The following MGMT variants were observed in gnomAD, a reference collection of about 807,000 sequenced individuals.
The protein encoded by MGMT is methylated-DNA--protein-cysteine methyltransferase.
Under a neutral mutation model 15.9 loss-of-function variants are expected in MGMT, and 14 were observed. The observed-to-expected ratio is 0.88, with a 90% CI of 0.58 to 1.37. The LOEUF is 1.37. Ranked by LOEUF, MGMT falls within the 40% of genes most tolerant of loss-of-function variation. The probability of loss-of-function intolerance (pLI) is 0.00; values close to 1 mark genes in which losing one functional copy is unlikely to be tolerated. For missense variants in MGMT, 282 were observed against 268.1 expected, an observed-to-expected ratio of 1.05 and a Z score of -0.36; for synonymous variants, 130 against 118.2, an observed-to-expected ratio of 1.10 and a Z score of -0.65.
intron 2 of MGMT, among the ~76,000 whole-genome samples, chr10:129,648,367 T>A (rs1589914297): frequency 6.6e-6 from 1 of 152,216 alleles, no homozygotes; most frequent in Non-Finnish European, 1.5e-5. Flanking sequence ...TGCAGGTAAT[T>A]TTTACAGCTT....
At chr10:129,527,918 C>T (rs751183052) in intron 1 of MGMT, among the ~76,000 whole-genome samples, 1 of 151,998 alleles carries the variant, frequency 6.6e-6, no homozygotes, top group Non-Finnish European at 1.5e-5. Context: ...CCTGTGCGCA[C>T]CTGCCTGCCT....
At chr10:129,600,957 AATTAAT>A (rs1345093890) in intron 2 of MGMT, among the ~76,000 whole-genome samples, 1 of 152,148 alleles carries the variant, frequency 6.6e-6, no homozygotes, top group Non-Finnish European at 1.5e-5. Flanking sequence ...ATTAATGACA[AATTAAT>A]ATTAATATCA....
chr10:129,618,771 T>TGCTATATTCAATTGAAACTGGGA (rs144655833), intron 2 of MGMT, among the ~76,000 whole-genome samples: 7 of 150,398 alleles, frequency 4.7e-5, no homozygotes, highest in South Asian at 2.1e-4. Flanking sequence ...GCTATATTTT[T>TGCTATATTCAATTGAAACTGGGA]AGTTTCAATT....
At chr10:129,506,058 T>TG (rs1180602760) in intron 1 of MGMT, among the ~76,000 whole-genome samples, 2 of 150,020 alleles carry the variant, frequency 1.3e-5, no homozygotes, top group Non-Finnish European at 3.0e-5. Context: ...GGTTTTCAAC[T>TG]GGGGGCAGTT....
intron 1 of MGMT, among the ~76,000 whole-genome samples, chr10:129,475,009 G>C (rs915152941): frequency 6.6e-6 from 1 of 152,124 alleles, no homozygotes; most frequent in Non-Finnish European, 1.5e-5. Flanking sequence ...TGTTGGGGGG[G>C]GTGTTGGGGA....
intron 2 of MGMT, among the ~76,000 whole-genome samples, chr10:129,698,255 G>A (rs1177334641): frequency 1.3e-5 from 2 of 152,212 alleles, no homozygotes; most frequent in African/African-American, 4.8e-5. Flanking sequence ...GTGCGTCATA[G>A]CGTTTGCATG....
chr10:129,735,020 C>T (rs1213061827), intron 3 of MGMT, among the ~76,000 whole-genome samples: 1 of 152,058 alleles, frequency 6.6e-6, no homozygotes, highest in Non-Finnish European at 1.5e-5. Context: ...GTCTAAAATT[C>T]TCTTTTTTGG....
At chr10:129,737,713 G>A (rs1445530336) in intron 3 of MGMT, among the ~76,000 whole-genome samples, 3 of 152,208 alleles carry the variant, frequency 2.0e-5, no homozygotes, top group Admixed American at 1.3e-4. Context: ...TGATGATGGT[G>A]ATGTACAGAT....
intron 2 of MGMT, among the ~76,000 whole-genome samples, chr10:129,600,244 A>T: frequency 6.6e-6 from 1 of 152,030 alleles, no homozygotes; most frequent in East Asian, 1.9e-4. Flanking sequence ...TTTTCCTGGG[A>T]TGGTCCCTTG....
chr10:129,607,710 C>T (rs1339519959), intron 2 of MGMT, among the ~76,000 whole-genome samples: 3 of 152,200 alleles, frequency 2.0e-5, no homozygotes, highest in African/African-American at 7.2e-5. Flanking sequence ...GCCAGTTTCC[C>T]TTGGACAGCT....
chr10:129,737,623 A>T (rs1848579318), intron 3 of MGMT, among the ~76,000 whole-genome samples: 1 of 152,038 alleles, frequency 6.6e-6, no homozygotes, highest in African/African-American at 2.4e-5. Flanking sequence ...GGAGGAGGAG[A>T]GGCGCTCTGC....
At chr10:129,674,748 C>G (rs11812599) in intron 2 of MGMT, among the ~76,000 whole-genome samples, 14,430 of 152,288 alleles carry the variant, frequency 0.095, 1,014 homozygotes, top group African/African-American at 0.19. Flanking sequence ...CCCCTGGGCT[C>G]TATCCTGCAT....
intron 3 of MGMT, among the ~76,000 whole-genome samples, chr10:129,710,814 G>A (rs1309421440): frequency 5.3e-5 from 8 of 152,216 alleles, no homozygotes; most frequent in African/African-American, 1.9e-4. Flanking sequence ...TTTGCAGACT[G>A]AGAGGAGCGG....
intron 1 of MGMT, among the ~76,000 whole-genome samples, chr10:129,528,270 G>A (rs1348389696): frequency 6.6e-6 from 1 of 152,086 alleles, no homozygotes; most frequent in Admixed American, 6.5e-5. Flanking sequence ...CCAGCCCAAC[G>A]TTCCTGTTCT....
intron 2 of MGMT, among the ~76,000 whole-genome samples, chr10:129,656,312 G>A (rs897742719): frequency 1.3e-5 from 2 of 152,208 alleles, no homozygotes; most frequent in Non-Finnish European, 2.9e-5. Flanking sequence ...TCTGCCCAGT[G>A]AACATGGGCT....
intron 3 of MGMT, among the ~76,000 whole-genome samples, chr10:129,734,519 T>G (rs374723639): frequency 2.2e-4 from 33 of 152,058 alleles, no homozygotes; most frequent in East Asian, 3.9e-4. Flanking sequence ...GGGACAATTT[T>G]ACTTCCTCTT....
At chr10:129,673,233 C>G (rs1170826298) in intron 2 of MGMT, among the ~76,000 whole-genome samples, 2 of 152,154 alleles carry the variant, frequency 1.3e-5, no homozygotes, top group Non-Finnish European at 2.9e-5. Context: ...TCGCTGTCTG[C>G]TCTTAGAATA....
rs569276958 is a variant in MGMT, at chr10:129,566,325, G to A, written c.125+29948G>A. Among the ~76,000 whole-genome samples the A allele has an allele frequency of 3.9e-4, 59 of 152,318 alleles. No homozygotes were observed. The highest frequency in any genetic ancestry group is 1.3e-3 in the African/African-American group (54 of 41,574). On this transcript the variant is annotated intron_variant, in intron 2 of 4. Coordinates refer to ENST00000651593, the MANE Select transcript of MGMT (RefSeq NM_002412.5). This position sits in a 1 kb window ranked among gnomAD's most constrained non-coding sequence, Gnocchi z 4.1. The stretch of plus-strand genomic sequence containing the variant: ...AGCTCTGACTGTTTCATTCGACTAC[G>A]TTGCCAAGGAGATGCTCGCTCGGAG...
At chr10:129,529,000 A>G (rs1259529447) in intron 1 of MGMT, among the ~76,000 whole-genome samples, 1 of 152,154 alleles carries the variant, frequency 6.6e-6, no homozygotes, top group African/African-American at 2.4e-5. Context: ...AAAATAAGGC[A>G]GAGAAAGAAG....
Sources: allele counts gnomAD v4.1 joint callset (sites outside exome capture counted in the v4.1 genomes callset), GRCh38; gene constraint gnomAD v4.1.1; non-coding constraint Gnocchi (gnomAD v3.1); transcripts MANE v1.5; gene names NCBI Gene and HGNC (gene_info 2026-07-23, HGNC 2026-07-21).